The following ZFHX3 variants were observed in gnomAD, a reference collection of about 807,000 sequenced individuals.
The protein encoded by ZFHX3 is zinc finger homeobox 3.
In ZFHX3, 42 loss-of-function variants were observed where a neutral mutation model predicts 279.1. The observed-to-expected ratio is 0.15, with a 90% CI of 0.12 to 0.19. The LOEUF (loss-of-function observed/expected upper bound fraction) is 0.19. Ranked by LOEUF, ZFHX3 falls within the 10% of genes least tolerant of loss-of-function variation. The probability of loss-of-function intolerance (pLI) is 1.00; values close to 1 mark genes in which losing one functional copy is unlikely to be tolerated. For synonymous variants in ZFHX3, 2,293 were observed against 1,957.8 expected (o/e 1.17, Z -4.52); for missense variants, 4,981 against 4,754.0 (o/e 1.05, Z -1.40).
In ZFHX3 at chr16:73,411,977, A is replaced by G. The variant is rs566683401; in HGVS notation, c.-1291+44026T>C. 2.6e-5 allele frequency among the ~76,000 whole-genome samples: 4 copies of G among 152,332 alleles called. No individual in the cohort carries two copies. In the South Asian group the frequency reaches 8.3e-4, roughly 32 times the overall value. On this transcript the variant is annotated intron_variant, in intron 3 of 17. Coordinates refer to the ZFHX3 transcript ENST00000641206. The stretch of plus-strand genomic sequence containing the variant: ...TTTCTATTGGGGCTAAAACTTAAGG[A>G]AGAGCAATTAAAGACCTCTAAGACA...
intron 3 of ZFHX3, among the ~76,000 whole-genome samples, chr16:72,935,857 C>T (rs1272623467): frequency 6.6e-6 from 1 of 152,076 alleles, no homozygotes; most frequent in Non-Finnish European, 1.5e-5. Flanking sequence ...CAGATCCCAC[C>T]GGTAAGGATC....
intron 2 of ZFHX3, among the ~76,000 whole-genome samples, chr16:73,599,648 A>AGAT: frequency 6.6e-6 from 1 of 152,178 alleles, no homozygotes; most frequent in East Asian, 1.9e-4. Flanking sequence ...CCATTAGGAG[A>AGAT]GATCATCAAA....
intron 5 of ZFHX3, among the ~76,000 whole-genome samples, chr16:73,145,785 G>A (rs1966860359): frequency 6.6e-6 from 1 of 152,210 alleles, no homozygotes; most frequent in African/African-American, 2.4e-5. Flanking sequence ...TGTTGAATGG[G>A]GCTGATTGGT....
At chr16:73,818,026 T>C (rs1436237904) in intron 1 of ZFHX3, among the ~76,000 whole-genome samples, 1 of 152,192 alleles carries the variant, frequency 6.6e-6, no homozygotes, top group Admixed American at 6.5e-5. Flanking sequence ...ACTTCATCTT[T>C]GTCACCCATT....
chr16:73,451,758 ATT>A (rs964576741), intron 3 of ZFHX3, among the ~76,000 whole-genome samples: 2 of 152,182 alleles, frequency 1.3e-5, no homozygotes, highest in Admixed American at 1.3e-4. Context: ...GCATAAAAGA[ATT>A]TTTTTAAAAA....
intron 3 of ZFHX3, among the ~76,000 whole-genome samples, chr16:72,908,341 G>C (rs755837693): frequency 2.6e-5 from 4 of 152,148 alleles, no homozygotes; most frequent in Non-Finnish European, 4.4e-5. Flanking sequence ...ACCTCACCAG[G>C]GGCCATGAGG....
At chr16:73,775,051 C>A (rs1432936334) in intron 1 of ZFHX3, among the ~76,000 whole-genome samples, 2 of 152,154 alleles carry the variant, frequency 1.3e-5, no homozygotes, top group Non-Finnish European at 2.9e-5. Context: ...CGCCTCTTCT[C>A]ATTCCATTTT....
chr16:73,687,846 CAAAA>C (rs535371406), intron 1 of ZFHX3, among the ~76,000 whole-genome samples: 8,854 of 63,328 alleles, frequency 0.14, 147 homozygotes, highest in Non-Finnish European at 0.17. Context: ...GACTCTGTCT[CAAAA>C]AAAAAAAAAA....
At chr16:73,274,460 C>T (rs185855692) in intron 4 of ZFHX3, among the ~76,000 whole-genome samples, 12 of 152,244 alleles carry the variant, frequency 7.9e-5, no homozygotes, top group Admixed American at 3.9e-4. Context: ...CACTTATGTT[C>T]TATTCTATAA....
intron 1 of ZFHX3, among the ~76,000 whole-genome samples, chr16:72,987,988 TTAATA>T (rs1567620302): frequency 6.6e-6 from 1 of 152,154 alleles, no homozygotes; most frequent in Non-Finnish European, 1.5e-5. Flanking sequence ...AAAAGAAAGT[TTAATA>T]TTATATGTGG....
Position 72,960,185 on chromosome 16 carries a change from A to C in ZFHX3, c.-40T>G. 2.7e-6 allele frequency: 4 copies of C among 1,505,858 alleles called. No individual in the cohort carries two copies. In the East Asian group the frequency reaches 6.9e-5, roughly 26 times the overall value. The allele number at this position is 1,505,858 out of a possible 1,614,324, so 93.3% of individuals were successfully genotyped here. ...GGAGCTTTCATTGCACCCAGTACGG[A>C]GGCTCGGACCTGAAGGGCAGAGGCA... On this transcript the variant is annotated 5_prime_UTR_variant, in exon 2 of 10. Transcript: ENST00000268489.
At chr16:73,078,024 C>T (rs374780841) in intron 8 of ZFHX3, among the ~76,000 whole-genome samples, 85 of 152,234 alleles carry the variant, frequency 5.6e-4, no homozygotes, top group African/African-American at 1.7e-3. Context: ...AGGCTGGTCT[C>T]GAACTCCTGA....
chr16:73,197,923 G>GTT (rs1567416121), intron 5 of ZFHX3, among the ~76,000 whole-genome samples: 2 of 88,820 alleles, frequency 2.3e-5, no homozygotes, highest in Admixed American at 1.3e-4. Flanking sequence ...CTGATTTGGT[G>GTT]GTTTTTTTTT....
chr16:73,482,295 C>T (rs1054747871), intron 2 of ZFHX3, among the ~76,000 whole-genome samples: 2 of 152,184 alleles, frequency 1.3e-5, no homozygotes, highest in Non-Finnish European at 2.9e-5. Context: ...AAGCCAACAT[C>T]TACCTTGCCC....
chr16:72,943,362 C>T (rs897818624), intron 3 of ZFHX3, among the ~76,000 whole-genome samples: 7 of 152,082 alleles, frequency 4.6e-5, no homozygotes, highest in African/African-American at 1.7e-4. Context: ...GGCAAAACCC[C>T]ATCTCTACTA....
At chr16:72,925,724 T>C (rs1597383275) in intron 3 of ZFHX3, among the ~76,000 whole-genome samples, 1 of 152,360 alleles carries the variant, frequency 6.6e-6, no homozygotes, top group Non-Finnish European at 1.5e-5. Flanking sequence ...GTCTAATTTA[T>C]AGGGCTGGGA....
chr16:73,706,852 T>C (rs2053310008), intron 1 of ZFHX3, among the ~76,000 whole-genome samples: 1 of 152,188 alleles, frequency 6.6e-6, no homozygotes, highest in South Asian at 2.1e-4. Context: ...TCACACAGCC[T>C]CCTCTGCATT....
chr16:73,396,620 GGAGA>G (rs890629110), intron 3 of ZFHX3, among the ~76,000 whole-genome samples: 1 of 152,220 alleles, frequency 6.6e-6, no homozygotes, highest in Admixed American at 6.5e-5. Flanking sequence ...TATGGCAGCA[GGAGA>G]GAGAGAGACA....
At chr16:73,718,240 G>T (rs932565328) in intron 1 of ZFHX3, among the ~76,000 whole-genome samples, 5 of 152,100 alleles carry the variant, frequency 3.3e-5, no homozygotes, top group Admixed American at 1.3e-4. Flanking sequence ...GCAAAACCCT[G>T]TCTCTACAAA....
Sources: gnomAD v4.1 joint callset for allele counts (sites outside exome capture counted in the v4.1 genomes callset) on GRCh38, gnomAD v4.1.1 for gene constraint, MANE v1.5 for transcripts, NCBI Gene and HGNC (gene_info 2026-07-23, HGNC 2026-07-21) for gene names.